The following GRK3 variants were observed in gnomAD, a reference collection of about 807,000 sequenced individuals.
GRK3 encodes the protein adrenergic, beta, receptor kinase 2.
GRK3 carries 54 observed loss-of-function variants against 95.7 expected under a neutral mutation model. The ratio of observed to expected loss-of-function variants is 0.56; its 90% confidence interval spans 0.45 to 0.71. GRK3 has a LOEUF of 0.71. GRK3 is among the 30% of genes least tolerant of loss of function. The pLI, the probability that GRK3 is intolerant of heterozygous loss-of-function variation, is 0.00. For synonymous variants in GRK3, 281 were observed against 290.8 expected (o/e 0.97, Z 0.34); for missense variants, 649 against 851.2 (o/e 0.76, Z 2.96).
intron 3 of GRK3, 134 bp from the exon 4 acceptor site, chr22:25,661,442 T>G (rs2084908675): frequency 1.9e-6 from 1 of 521,834 alleles, no homozygotes; most frequent in Non-Finnish European, 3.4e-6. Flanking sequence ...AGTAGCTGTT[T>G]CCTGTGGAAT....
At chr22:25,582,347 T>C (rs1181170050) in intron 1 of GRK3, among the ~76,000 whole-genome samples, 2 of 151,482 alleles carry the variant, frequency 1.3e-5, no homozygotes, top group Non-Finnish European at 2.9e-5. Flanking sequence ...AGGACCAGTG[T>C]GAAGAAAAAA....
intron 2 of GRK3, among the ~76,000 whole-genome samples, chr22:25,609,735 T>G (rs2084481724): frequency 1.3e-5 from 2 of 152,256 alleles, no homozygotes; most frequent in Non-Finnish European, 2.9e-5. Flanking sequence ...GCATTTCATT[T>G]TATAATACTG....
intron 9 of GRK3, among the ~76,000 whole-genome samples, chr22:25,683,460 C>G (rs1242902301): frequency 6.6e-6 from 1 of 152,224 alleles, no homozygotes; most frequent in Non-Finnish European, 1.5e-5. Context: ...AAATGGGTTG[C>G]TAAAGTGGCT....
intron 2 of GRK3, among the ~76,000 whole-genome samples, chr22:25,640,944 A>G (rs549536285): frequency 2.1e-4 from 32 of 152,220 alleles, no homozygotes; most frequent in South Asian, 6.2e-4. Context: ...ATATTTCCTT[A>G]TTTTTGCCTC....
Position 25,715,963 on chromosome 22 carries a change from A to G in GRK3, c.1654+1393A>G, listed in dbSNP as rs145379376. ...TTAACTCTGTTTACCTCAATTCTGC[A>G]GGGACACATAGCCTTTATTTGTAAG... On this transcript the variant is annotated intron_variant, in intron 18 of 20. Coordinates refer to ENST00000324198, the MANE Select transcript of GRK3 (RefSeq NM_005160.4). Among the ~76,000 whole-genome samples, 364 of 152,290 alleles carry G rather than the reference A, an allele frequency of 2.4e-3. 2 individuals carry two copies. Among genetic ancestry groups the G allele is most frequent in the African/African-American group, 8.2e-3 (342 of 41,568 alleles).
chr22:25,594,100 C>T (rs1259226542), intron 1 of GRK3, among the ~76,000 whole-genome samples: 1 of 151,828 alleles, frequency 6.6e-6, no homozygotes, highest in African/African-American at 2.4e-5. Flanking sequence ...TTTTTTATTC[C>T]ATATTAATCT....
At chr22:25,610,499 A>G (rs757904165) in intron 2 of GRK3, among the ~76,000 whole-genome samples, 4 of 152,168 alleles carry the variant, frequency 2.6e-5, no homozygotes, top group Non-Finnish European at 4.4e-5. Context: ...AAACTACTAT[A>G]TACCATTCAC....
At chr22:25,604,936 T>C (rs2084433984) in intron 2 of GRK3, among the ~76,000 whole-genome samples, 1 of 152,212 alleles carries the variant, frequency 6.6e-6, no homozygotes, top group South Asian at 2.1e-4. Flanking sequence ...TTCGAGATAA[T>C]TCTGGGCTTG....
intron 15 of GRK3, among the ~76,000 whole-genome samples, chr22:25,704,846 T>G (rs775650235): frequency 3.9e-5 from 6 of 152,230 alleles, no homozygotes; most frequent in Admixed American, 3.3e-4. Flanking sequence ...CTCACATATT[T>G]CTCTCATGCA....
At chr22:25,694,136 C>A (rs934503304) in intron 12 of GRK3, among the ~76,000 whole-genome samples, 4 of 152,174 alleles carry the variant, frequency 2.6e-5, no homozygotes, top group East Asian at 1.9e-4. Context: ...AAATCCCCAA[C>A]ACGAATCCAG....
chr22:25,699,392 G>A (rs984092870), intron 13 of GRK3, among the ~76,000 whole-genome samples: 13 of 152,134 alleles, frequency 8.5e-5, no homozygotes, highest in Non-Finnish European at 1.9e-4. Flanking sequence ...TGGGGCGCCT[G>A]TCCTCAACCC....
At chr22:25,570,110 G>T (rs746373525) in intron 1 of GRK3, among the ~76,000 whole-genome samples, 1 of 152,134 alleles carries the variant, frequency 6.6e-6, no homozygotes, top group African/African-American at 2.4e-5. Context: ...ATCCTTTTTC[G>T]TACTCTCCCG....
intron 1 of GRK3, among the ~76,000 whole-genome samples, chr22:25,570,169 C>T (rs1185191325): frequency 6.6e-6 from 1 of 152,156 alleles, no homozygotes; most frequent in Non-Finnish European, 1.5e-5. Flanking sequence ...CTGGGACCTG[C>T]GAAAACGGTA....
At position 25,728,562 on chromosome 22, in the gene GRK3, C is replaced by T. The variant is rs1000135484; in HGVS notation, c.*6112C>T. The T allele has an allele frequency of 1.3e-5, 2 of 152,172 alleles. No individual in the cohort carries two copies. The highest frequency in any genetic ancestry group is 2.4e-5 in the African/African-American group (1 of 41,430). The allele number at this position is 152,172 out of a possible 1,614,324, so 9.4% of individuals were successfully genotyped here. On this transcript the variant is annotated 3_prime_UTR_variant, in exon 21 of 21. Coordinates refer to ENST00000324198, the MANE Select transcript of GRK3 (RefSeq NM_005160.4). ...ATTCCTTCCCCTTATTGTGCCAAAT[C>T]CCCACCATCAGCCTTGCCATTGCCT...
chr22:25,720,563 A>G lies in GRK3; in HGVS notation c.1792-721A>G, dbSNP rs1369273916. On this transcript the variant is annotated intron_variant, in intron 19 of 20. Coordinates refer to ENST00000324198, the MANE Select transcript of GRK3 (RefSeq NM_005160.4). ...GCGATCTTGGCTCACTGCAACCTCCACCTCCTGCGTTCAAGCGATTCTCCT... is the reference window on the plus strand; with the variant it reads ...GCGATCTTGGCTCACTGCAACCTCCGCCTCCTGCGTTCAAGCGATTCTCCT... Among the ~76,000 whole-genome samples the G allele has an allele frequency of 3.9e-5, 5 of 127,218 alleles. 1 individual carries two copies. The allele number at this position is 127,218 out of a possible 152,430, so 83.5% of individuals were successfully genotyped here. A position where few individuals can be genotyped will look rare whatever the true frequency, so the allele number is the denominator to read the frequency against.
chr22:25,720,597 C>T (rs541017734), intron 19 of GRK3, among the ~76,000 whole-genome samples: 1 of 151,316 alleles, frequency 6.6e-6, no homozygotes, highest in Non-Finnish European at 1.5e-5. Flanking sequence ...CTGCCTCAGC[C>T]TCCCGAGTAG....
Position 25,728,189 on chromosome 22 carries a change from C to T in GRK3, c.*5739C>T, listed in dbSNP as rs1341874884. The T allele has an allele frequency of 6.6e-6, 1 of 152,218 alleles. No individual in the cohort carries two copies. The highest frequency in any genetic ancestry group is 1.5e-5 in the Non-Finnish European group (1 of 68,050). 9.4% of individuals were successfully genotyped at this position (152,218 alleles called of 1,614,324 possible). ...GCACCTAGTAATGTGGCCGACATCT[C>T]TTCTCACCACCATGGACTGTTTTCA... On this transcript the variant is annotated 3_prime_UTR_variant, in exon 21 of 21. Transcript: ENST00000324198.
At chr22:25,655,164 A>G (rs957973833) in intron 3 of GRK3, among the ~76,000 whole-genome samples, 2 of 152,134 alleles carry the variant, frequency 1.3e-5, no homozygotes, top group African/African-American at 2.4e-5. Context: ...TGTACATTGT[A>G]TTTCCACTTT....
At position 25,601,066 on chromosome 22, in the gene GRK3, C is replaced by T. The variant is rs140973197; in HGVS notation, c.114-3311C>T. ...GAAATAGATTCACAATTTTAGTTGA[C>T]GGTTTCAACACTCCTCTCTCAGTAA... On this transcript the variant is annotated intron_variant, in intron 1 of 20. Transcript: ENST00000324198. 1.4e-3 allele frequency among the ~76,000 whole-genome samples: 215 copies of T among 152,212 alleles called. 4 individuals carry two copies. The East Asian group carries it at 0.033, about 23-fold the overall frequency.
Sources: allele counts gnomAD v4.1 joint callset (sites outside exome capture counted in the v4.1 genomes callset), GRCh38; gene constraint gnomAD v4.1.1; transcripts MANE v1.5; gene names NCBI Gene and HGNC (gene_info 2026-07-23, HGNC 2026-07-21).